DPCD: variants seen among roughly 807,000 people sequenced by gnomAD.
DPCD encodes the protein protein DPCD.
In DPCD, 20 loss-of-function variants were observed where a neutral mutation model predicts 26.4. The ratio of observed to expected loss-of-function variants is 0.76; its 90% CI spans 0.53 to 1.10. DPCD has a LOEUF of 1.10. DPCD is among the 50% of genes least tolerant of loss of function. The pLI is 0.00. For missense variants in DPCD, 202 were observed against 253.9 expected, an observed-to-expected ratio of 0.80 and a Z score of 1.39; for synonymous variants, 97 against 94.2, an observed-to-expected ratio of 1.03 and a Z score of -0.17.
In DPCD at chr10:101,598,002, T is replaced by C. The variant is rs187165566; in HGVS notation, c.146-2736T>C. Among the ~76,000 whole-genome samples, 313 of 152,252 alleles carry C rather than the reference T, an allele frequency of 2.1e-3. 3 individuals are homozygous for C. The highest frequency in any genetic ancestry group is 7.0e-3 in the African/African-American group (289 of 41,534). On this transcript the variant is annotated intron_variant, in intron 2 of 5. Transcript: ENST00000370151. ...AAGGTGTTTAAACAAAAAATAAAGG[T>C]GAAGCAGCCAGAGGTGTCAAGTTCC... is the stretch of plus-strand genomic sequence containing the variant.
At chr10:101,595,221 CTCAG>C (rs1286352759) in intron 2 of DPCD, among the ~76,000 whole-genome samples, 1 of 152,200 alleles carries the variant, frequency 6.6e-6, no homozygotes, top group African/African-American at 2.4e-5. Flanking sequence ...TGAAGAACAT[CTCAG>C]TCAAAGAGGG....
chr10:101,602,632 T>C (rs1206499117), intron 4 of DPCD, among the ~76,000 whole-genome samples: 1 of 152,198 alleles, frequency 6.6e-6, no homozygotes, highest in East Asian at 1.9e-4. Context: ...TTAACAGGAG[T>C]CACTGCCTAA....
intron 4 of DPCD, among the ~76,000 whole-genome samples, chr10:101,601,992 A>G (rs1481421570): frequency 6.6e-6 from 1 of 152,124 alleles, no homozygotes; most frequent in Non-Finnish European, 1.5e-5. Context: ...GTGCATTTCC[A>G]TTTTGGAAAT....
rs945924035 is a variant in DPCD, at chr10:101,600,831, G to A, written c.239G>A (p.Gly80Glu). The change falls in exon 3 of 6, where the codon GGG (glycine) becomes GAG (glutamate). Residue 80 changes from glycine (G) to glutamate (E), a missense_variant. Gly to Glu is a moderately conservative substitution (Grantham distance 98). Transcript: ENST00000370151. The surrounding 1 kb of genome is among the most constrained non-coding windows in gnomAD (Gnocchi z 4.7). ...GCGCCCCTAGGAGCAGGGAACCTGG[G>A]GCCTGAACTCATCAAGGAAAGCAAT... ...DPAPLGAGNL[G>E]PELIKESNAN... The A allele has an allele frequency of 3.1e-6, 5 of 1,613,858 alleles. No homozygotes were observed. In the African/African-American group the frequency reaches 6.7e-5, roughly 22 times the overall value.
At position 101,605,221 on chromosome 10, in the gene DPCD, G is replaced by A. The variant is rs968007925; in HGVS notation, c.405-3614G>A. On this transcript the variant is annotated intron_variant, in intron 4 of 5. Coordinates refer to ENST00000370151, the MANE Select transcript of DPCD (RefSeq NM_015448.3). ...ATGGCACCCCCTCTGAGGTATGTGA[G>A]GCATGACCCAAGTGATTGTCCACAG... The A allele has an allele frequency of 7.7e-6, 12 of 1,549,968 alleles. No individual in the cohort carries two copies. In the Admixed American group the frequency reaches 1.2e-4, roughly 15 times the overall value.
chr10:101,593,625 G>C (rs1259696148), intron 1 of DPCD, among the ~76,000 whole-genome samples: 1 of 151,460 alleles, frequency 6.6e-6, no homozygotes, highest in Non-Finnish European at 1.5e-5. Context: ...GTCTCACTCT[G>C]TTGCCCAGGC....
At chr10:101,594,569 T>C in intron 1 of DPCD, 89 bp from the exon 2 acceptor site, 1 of 1,344,526 alleles carries the variant, frequency 7.4e-7, no homozygotes, top group Middle Eastern at 1.8e-4. Context: ...CTCCCAAGGC[T>C]GGCACTGTTT....
In DPCD at chr10:101,608,853, C is replaced by T; in HGVS notation, c.423C>T (p.Ser141=). The part of the protein sequence containing the change: ...TTNKKYYKKF[S]IPDLDRHQLP... ...CCCACAGGTACTACAAGAAGTTCTCCATTCCTGATCTAGATAGACACCAGC... is the reference window on the plus strand; with the variant it reads ...CCCACAGGTACTACAAGAAGTTCTCTATTCCTGATCTAGATAGACACCAGC... The change falls in exon 5 of 6, where the codon TCC becomes TCT. Residue 141 remains serine (S), a synonymous_variant. Coordinates refer to ENST00000370151, the MANE Select transcript of DPCD (RefSeq NM_015448.3). 1.2e-6 allele frequency: 2 copies of T among 1,613,670 alleles called. No individual in the cohort carries two copies. Among genetic ancestry groups the T allele is most frequent in the Non-Finnish European group, 1.7e-6 (2 of 1,179,810 alleles).
rs768972892 is a variant in DPCD, at chr10:101,609,435, A to C, written c.576A>C (p.Thr192=). 1 of 1,614,148 alleles carries C rather than the reference A, an allele frequency of 6.2e-7. No homozygotes were observed. Among genetic ancestry groups the C allele is most frequent in the South Asian group, 1.1e-5 (1 of 91,062 alleles). The change falls in exon 6 of 6, where the codon ACA becomes ACC. Residue 192 remains threonine (T), a synonymous_variant. Transcript: ENST00000370151. ...AGAAGGAACTAAAGAAGGTGAAGAC[A>C]GCCCACAGCAACGATGGGGACTGCA... ...ELQKELKKVK[T]AHSNDGDCKT... is the part of the protein sequence containing the mutation.
intron 2 of DPCD, among the ~76,000 whole-genome samples, chr10:101,595,765 G>T (rs906784313): frequency 6.6e-6 from 1 of 152,096 alleles, no homozygotes; most frequent in African/African-American, 2.4e-5. Context: ...GTTTAGTCTG[G>T]TGCTATTAAA....
chr10:101,605,417 G>A (rs2063727247), intron 4 of DPCD, among the ~76,000 whole-genome samples: 1 of 152,186 alleles, frequency 6.6e-6, no homozygotes, highest in Non-Finnish European at 1.5e-5. Context: ...TGTCAAACAG[G>A]GAGAAGACAG....
At chr10:101,599,546 A>ATTCTAAT (rs1196608809) in intron 2 of DPCD, among the ~76,000 whole-genome samples, 1 of 152,208 alleles carries the variant, frequency 6.6e-6, no homozygotes, top group Non-Finnish European at 1.5e-5. Flanking sequence ...TTAAGGGAAA[A>ATTCTAAT]TTCTAATTTT....
intron 1 of DPCD, among the ~76,000 whole-genome samples, chr10:101,589,644 C>T (rs1347055139): frequency 6.6e-6 from 1 of 152,086 alleles, no homozygotes; most frequent in Non-Finnish European, 1.5e-5. Context: ...TGTTGGGAGG[C>T]CGAGTGGGCG....
In DPCD at chr10:101,603,899, C is replaced by T. The variant is rs2063716049; in HGVS notation, c.404+2563C>T. The stretch of plus-strand genomic sequence containing the variant: ...TCCTGAGAAGCTGGGACTATAGGCG[C>T]ATACCACCCAATCTGGCCAAGTTTA... On this transcript the variant is annotated intron_variant, in intron 4 of 5. Transcript: ENST00000370151. The surrounding 1 kb of genome is among the most constrained non-coding windows in gnomAD (Gnocchi z 4.6). Among the ~76,000 whole-genome samples the T allele has an allele frequency of 6.6e-6, 1 of 152,160 alleles. No homozygotes were observed. Among genetic ancestry groups the T allele is most frequent in the African/African-American group, 2.4e-5 (1 of 41,456 alleles).
chr10:101,592,373 A>G (rs1291732724), intron 1 of DPCD, among the ~76,000 whole-genome samples: 2 of 152,154 alleles, frequency 1.3e-5, no homozygotes, highest in African/African-American at 4.8e-5. Context: ...CCTAGGGAAC[A>G]TAGCCAGACA....
intron 4 of DPCD, among the ~76,000 whole-genome samples, chr10:101,606,410 C>A (rs1246593192): frequency 1.3e-5 from 2 of 152,232 alleles, no homozygotes; most frequent in African/African-American, 4.8e-5. Context: ...ATCTGCCTAC[C>A]TCGGCCTCCC....
At chr10:101,597,255 T>G (rs1187325514) in intron 2 of DPCD, among the ~76,000 whole-genome samples, 1 of 152,198 alleles carries the variant, frequency 6.6e-6, no homozygotes, top group Admixed American at 6.5e-5. Flanking sequence ...TATTGAGCAC[T>G]TTCATCCCCA....
chr10:101,588,907 C>T (rs1308441713), intron 1 of DPCD, among the ~76,000 whole-genome samples: 2 of 152,214 alleles, frequency 1.3e-5, no homozygotes, highest in East Asian at 3.8e-4. Context: ...AGGTCCTTTC[C>T]AGCTGTAATA....
intron 4 of DPCD, among the ~76,000 whole-genome samples, chr10:101,606,639 A>T (rs1261919912): frequency 1.3e-5 from 2 of 152,154 alleles, no homozygotes; most frequent in African/African-American, 2.4e-5. Flanking sequence ...TTAAATCCCC[A>T]GCTCACAGCT....
Sources: allele counts gnomAD v4.1 joint callset (sites outside exome capture counted in the v4.1 genomes callset), GRCh38; gene constraint gnomAD v4.1.1; non-coding constraint Gnocchi (gnomAD v3.1); transcripts MANE v1.5; gene names NCBI Gene and HGNC (gene_info 2026-07-23, HGNC 2026-07-21).